KDM2A: variants seen among roughly 807,000 people sequenced by gnomAD.
The protein encoded by KDM2A is lysine-specific demethylase 2A.
Under a neutral mutation model 137.3 loss-of-function variants are expected in KDM2A, and 3 were observed. The observed-to-expected ratio is 0.02, with a 90% CI of 0.01 to 0.06. KDM2A has a LOEUF of 0.06. Among genes scored for constraint, KDM2A ranks in the 10% least tolerant of loss-of-function variants. The pLI, the probability that KDM2A is intolerant of heterozygous loss-of-function variation, is 1.00. For missense variants in KDM2A, 738 were observed against 1,510.6 expected (o/e 0.49, Z 8.48); for synonymous variants, 512 against 541.5 (o/e 0.95, Z 0.76).
intron 5 of KDM2A, among the ~76,000 whole-genome samples, chr11:67,186,354 A>G (rs1467596998): frequency 6.6e-6 from 1 of 152,204 alleles, no homozygotes; most frequent in Admixed American, 6.6e-5. Context: ...AGTGTATTCA[A>G]AGTGCTAAAA....
chr11:67,240,324 A>G, intron 12 of KDM2A: 2 of 1,535,588 alleles, frequency 1.3e-6, no homozygotes, highest in Middle Eastern at 1.7e-4. Flanking sequence ...CGCTGGGGAA[A>G]CTTCACCAAG....
rs772480573 is a variant in KDM2A, at chr11:67,240,269, C to G, written c.1480-2740C>G. On this transcript the variant is annotated intron_variant, in intron 12 of 20. Coordinates refer to ENST00000529006, the MANE Select transcript of KDM2A (RefSeq NM_012308.3). ...CCGGATTTTCCCAGAGGCAGAATAT[C>G]TAACTCCTTCAGGAGAACTTCCAGT... 3.9e-6 allele frequency: 6 copies of G among 1,535,528 alleles called. No individual in the cohort carries two copies. In the South Asian group the frequency reaches 5.9e-5, roughly 15 times the overall value.
At chr11:67,207,095 A>G (rs985975487) in intron 5 of KDM2A, among the ~76,000 whole-genome samples, 1 of 152,224 alleles carries the variant, frequency 6.6e-6, no homozygotes, top group Non-Finnish European at 1.5e-5. Context: ...AGATTAGGTC[A>G]ACCTGCATCA....
chr11:67,192,644 C>T (rs1447231636), intron 5 of KDM2A, among the ~76,000 whole-genome samples: 2 of 151,728 alleles, frequency 1.3e-5, no homozygotes, highest in East Asian at 3.9e-4. Flanking sequence ...GGGGTTTCAC[C>T]ATGTTGGGCA....
intron 17 of KDM2A, among the ~76,000 whole-genome samples, chr11:67,251,279 G>A (rs1859417017): frequency 6.6e-6 from 1 of 152,154 alleles, no homozygotes; most frequent in African/African-American, 2.4e-5. Context: ...TGAATTTGAA[G>A]GTGCTTAACA....
At chr11:67,239,097 C>G (rs1194413210) in intron 12 of KDM2A, among the ~76,000 whole-genome samples, 1 of 152,200 alleles carries the variant, frequency 6.6e-6, no homozygotes, top group Non-Finnish European at 1.5e-5. Context: ...GCTGCTTCAT[C>G]TGGGGAATAT....
chr11:67,223,531 T>C (rs12290300), intron 10 of KDM2A, among the ~76,000 whole-genome samples: 12,277 of 151,942 alleles, frequency 0.081, 1,672 homozygotes, highest in African/African-American at 0.28. Context: ...GCCTCCTGAG[T>C]AGCTGGGACC....
At chr11:67,155,561 C>G (rs550981684) in intron 2 of KDM2A, among the ~76,000 whole-genome samples, 1 of 152,116 alleles carries the variant, frequency 6.6e-6, no homozygotes, top group Non-Finnish European at 1.5e-5. Context: ...GCCTCAGCCT[C>G]TCAGGTTGCT....
In KDM2A at chr11:67,206,392, C is replaced by CA. The variant is rs200428208; in HGVS notation, c.308-1117dup. On this transcript the variant is annotated intron_variant, in intron 5 of 20. Transcript: ENST00000529006. ...GTTGCAGTGAGCCAAGATTTCGCAC[C>CA]ACTGCACTCCAGCCTGGGTGACACA... Among the ~76,000 whole-genome samples the CA allele has an allele frequency of 2.5e-3, 384 of 152,252 alleles. 11 individuals carry two copies. The East Asian group carries it at 0.045, about 18-fold the overall frequency.
At chr11:67,121,654 A>G (rs1855600075) in intron 2 of KDM2A, among the ~76,000 whole-genome samples, 1 of 152,340 alleles carries the variant, frequency 6.6e-6, no homozygotes, top group African/African-American at 2.4e-5. Context: ...TCCTGATTTT[A>G]CAGTACTGAC....
chr11:67,140,522 CG>C (rs2136293159), intron 2 of KDM2A, among the ~76,000 whole-genome samples: 1 of 152,118 alleles, frequency 6.6e-6, no homozygotes, highest in East Asian at 1.9e-4. Flanking sequence ...GAGGTGGAAG[CG>C]GGTGGATCAC....
At chr11:67,211,130 C>A (rs934070130) in intron 6 of KDM2A, among the ~76,000 whole-genome samples, 1 of 152,064 alleles carries the variant, frequency 6.6e-6, no homozygotes, top group Non-Finnish European at 1.5e-5. Flanking sequence ...TGGTAGAATT[C>A]TTATTCCCCC....
intron 2 of KDM2A, among the ~76,000 whole-genome samples, chr11:67,166,632 G>A (rs916237535): frequency 5.3e-5 from 8 of 152,172 alleles, no homozygotes. Flanking sequence ...GGCTGAGGCA[G>A]GAGGATCTCT....
chr11:67,209,036 A>G (rs76779146), intron 6 of KDM2A, among the ~76,000 whole-genome samples: 1 of 151,948 alleles, frequency 6.6e-6, no homozygotes, highest in Non-Finnish European at 1.5e-5. Context: ...CCCCGGTTCA[A>G]GCAATTCTCC....
At chr11:67,137,866 C>T (rs759766452) in intron 2 of KDM2A, among the ~76,000 whole-genome samples, 1 of 151,988 alleles carries the variant, frequency 6.6e-6, no homozygotes, top group Non-Finnish European at 1.5e-5. Flanking sequence ...GGTGCGATCT[C>T]GGCTCACTGC....
intron 2 of KDM2A, among the ~76,000 whole-genome samples, chr11:67,129,727 CCA>C (rs1855808414): frequency 1.4e-5 from 2 of 142,150 alleles, no homozygotes; most frequent in African/African-American, 2.6e-5. Flanking sequence ...GAGCGAGACT[CCA>C]TCTCAAAAAA....
intron 10 of KDM2A, among the ~76,000 whole-genome samples, chr11:67,221,990 G>C: frequency 6.7e-6 from 1 of 149,012 alleles, no homozygotes; most frequent in East Asian, 1.9e-4. Context: ...TTCTAAAATA[G>C]GGAAAATGTT....
intron 17 of KDM2A, 193 bp from the exon 18 acceptor site, chr11:67,252,501 T>C (rs1859460317): frequency 4.8e-6 from 3 of 619,432 alleles, no homozygotes; most frequent in Non-Finnish European, 8.7e-6. Flanking sequence ...TTGCAAAGCG[T>C]CTAGTTGTTG....
chr11:67,148,922 G>C (rs992556707), intron 2 of KDM2A: 1 of 152,120 alleles, frequency 6.6e-6, no homozygotes, highest in Non-Finnish European at 1.5e-5. Flanking sequence ...GGCTGGTGGC[G>C]CATAGCTCAG....
Sources: allele counts gnomAD v4.1 joint callset (sites outside exome capture counted in the v4.1 genomes callset), GRCh38; gene constraint gnomAD v4.1.1; transcripts MANE v1.5; gene names NCBI Gene and HGNC (gene_info 2026-07-23, HGNC 2026-07-21).